The following ARMC3 variants were observed in gnomAD, a reference collection of about 807,000 sequenced individuals.
ARMC3 encodes the protein armadillo repeat-containing protein 3.
ARMC3 carries 74 observed loss-of-function variants against 90.3 expected under a neutral mutation model. That is an observed-to-expected ratio of 0.82 (90% CI 0.68 to 0.99). The LOEUF (loss-of-function observed/expected upper bound fraction) is 0.99, where lower values mean the gene tolerates loss of function less well. ARMC3 is among the 50% of genes least tolerant of loss of function. The probability of loss-of-function intolerance (pLI) is 0.00; values close to 1 mark genes in which losing one functional copy is unlikely to be tolerated. For missense variants in ARMC3, 958 were observed against 1,042.8 expected (o/e 0.92, Z 1.12); for synonymous variants, 334 against 361.8 (o/e 0.92, Z 0.87).
chr10:23,023,607 T>C (rs1838595909), intron 16 of ARMC3, among the ~76,000 whole-genome samples: 1 of 152,118 alleles, frequency 6.6e-6, no homozygotes, highest in Non-Finnish European at 1.5e-5. Context: ...TTTCTTGAAA[T>C]AACTGAAAAA....
At chr10:23,005,211 CAAA>C (rs35706584) in intron 13 of ARMC3, among the ~76,000 whole-genome samples, 513 of 60,932 alleles carry the variant, frequency 8.4e-3, no homozygotes, top group African/African-American at 0.026. Flanking sequence ...AGACTCGTCT[CAAA>C]AAAAAAAAAA....
At chr10:22,934,920 A>C (rs1333808578) in intron 2 of ARMC3, among the ~76,000 whole-genome samples, 1 of 152,210 alleles carries the variant, frequency 6.6e-6, no homozygotes, top group African/African-American at 2.4e-5. Flanking sequence ...ATGGACGACC[A>C]GCTGGCCACT....
Position 23,029,212 on chromosome 10 carries a change from T to G in ARMC3, c.2046-1384T>G, listed in dbSNP as rs533991170. Among the ~76,000 whole-genome samples, 55 of 152,338 alleles carry G rather than the reference T, an allele frequency of 3.6e-4. No individual in the cohort carries two copies. In the South Asian group the frequency reaches 0.011, roughly 30 times the overall value. On this transcript the variant is annotated intron_variant, in intron 16 of 18. Coordinates refer to ENST00000298032, the MANE Select transcript of ARMC3 (RefSeq NM_173081.5). ...CTCTCAAGAGGGCATCTTCTTGAGC[T>G]TTCTCTGTGCTGATGTTCACTTCCA...
intron 1 of ARMC3, among the ~76,000 whole-genome samples, chr10:22,929,241 G>GA (rs1176570872): frequency 8.4e-6 from 1 of 119,658 alleles, no homozygotes; most frequent in Non-Finnish European, 1.8e-5. Flanking sequence ...AAAAGAAAAA[G>GA]AAAAAAAGAG....
At chr10:22,932,624 G>A (rs1833975915) in intron 2 of ARMC3, among the ~76,000 whole-genome samples, 1 of 152,204 alleles carries the variant, frequency 6.6e-6, no homozygotes, top group Admixed American at 6.5e-5. Flanking sequence ...TTGAAAGGTT[G>A]TGTTAAAAGT....
chr10:23,037,223 C>A, intron 18 of ARMC3, 47 bp from the exon 19 acceptor site: 1 of 1,476,396 alleles, frequency 6.8e-7, no homozygotes, highest in South Asian at 1.4e-5. Flanking sequence ...ATATTCCCCA[C>A]CCCTCTCCCG....
intron 8 of ARMC3, among the ~76,000 whole-genome samples, chr10:22,974,630 G>GTT (rs67925451): frequency 7.8e-4 from 116 of 148,852 alleles, no homozygotes; most frequent in East Asian, 3.2e-3. Context: ...TCTAAAATCT[G>GTT]TTTTTTTTTG....
At chr10:22,960,671 C>G (rs1835151181) in intron 6 of ARMC3, 3 of 152,176 alleles carry the variant, frequency 2.0e-5, no homozygotes, top group African/African-American at 7.2e-5. Flanking sequence ...TTCTTAACAG[C>G]AGTACTGGCT....
intron 4 of ARMC3, among the ~76,000 whole-genome samples, chr10:22,958,722 T>G (rs565351155): frequency 1.3e-5 from 2 of 152,128 alleles, no homozygotes; most frequent in Non-Finnish European, 2.9e-5. Flanking sequence ...ATACTACCAT[T>G]ATCATTATTA....
chr10:23,022,877 T>G lies in ARMC3; in HGVS notation c.2046-7719T>G, dbSNP rs145178664. ...CCAGGATGTGGCCAGCCTGGGAATC[T>G]GCTTTGTCCCAATAAGCCTGAGTCT... is the stretch of plus-strand genomic sequence containing the variant. On this transcript the variant is annotated intron_variant, in intron 16 of 18. Coordinates refer to ENST00000298032, the MANE Select transcript of ARMC3 (RefSeq NM_173081.5). Among the ~76,000 whole-genome samples, 647 of 152,182 alleles carry G rather than the reference T, an allele frequency of 4.3e-3. 7 individuals are homozygous for G. Among genetic ancestry groups the G allele is most frequent in the African/African-American group, 0.015 (613 of 41,508 alleles).
chr10:22,940,987 T>C (rs1834305754), intron 2 of ARMC3, among the ~76,000 whole-genome samples: 1 of 152,124 alleles, frequency 6.6e-6, no homozygotes, highest in Admixed American at 6.5e-5. Context: ...CAAATCGTGA[T>C]ATACAATGGG....
intron 16 of ARMC3, among the ~76,000 whole-genome samples, chr10:23,012,704 A>G (rs1838071977): frequency 6.6e-6 from 1 of 151,164 alleles, no homozygotes; most frequent in African/African-American, 2.4e-5. Context: ...AGTCCTATCC[A>G]CTCTATGTCT....
intron 16 of ARMC3, chr10:23,014,240 G>C: frequency 6.6e-7 from 1 of 1,513,716 alleles, no homozygotes; most frequent in East Asian, 2.5e-5. Context: ...GATGATCCCT[G>C]CCTCAAAGAG....
chr10:22,947,753 T>C (rs1419526748), intron 3 of ARMC3, among the ~76,000 whole-genome samples: 1 of 152,204 alleles, frequency 6.6e-6, no homozygotes. Flanking sequence ...GGGTCTGAGG[T>C]ATGTGCAAAG....
At chr10:22,960,051 A>C in intron 6 of ARMC3, 1 of 321,092 alleles carries the variant, frequency 3.1e-6, no homozygotes, top group Non-Finnish European at 6.0e-6. Context: ...GCAAGATGCT[A>C]CCTCACTGTG....
intron 1 of ARMC3, among the ~76,000 whole-genome samples, chr10:22,930,989 G>A (rs1449633165): frequency 2.0e-5 from 3 of 151,530 alleles, no homozygotes; most frequent in African/African-American, 7.3e-5. Context: ...ATGCAGTGGT[G>A]CGATCTCGGC....
At chr10:23,020,910 T>G (rs1005307120) in intron 16 of ARMC3, among the ~76,000 whole-genome samples, 11 of 152,178 alleles carry the variant, frequency 7.2e-5, no homozygotes, top group Non-Finnish European at 1.6e-4. Context: ...ACCCAGGTAG[T>G]GAGCCCAATA....
intron 10 of ARMC3, among the ~76,000 whole-genome samples, chr10:22,996,965 T>C (rs546223440): frequency 3.9e-5 from 6 of 152,012 alleles, no homozygotes; most frequent in African/African-American, 7.2e-5. Context: ...TAGTCCTAAA[T>C]GAAAAAATGT....
chr10:22,929,284 A>AAG (rs1204453923), intron 1 of ARMC3, among the ~76,000 whole-genome samples: 1 of 148,824 alleles, frequency 6.7e-6, no homozygotes, highest in East Asian at 2.0e-4. Context: ...GAGAGAGAGA[A>AAG]AGAGAGAGAG....
Sources: allele counts gnomAD v4.1 joint callset (sites outside exome capture counted in the v4.1 genomes callset), GRCh38; gene constraint gnomAD v4.1.1; transcripts MANE v1.5; gene names NCBI Gene and HGNC (gene_info 2026-07-23, HGNC 2026-07-21).